WDHD1: variants seen among roughly 807,000 people sequenced by gnomAD.
WDHD1 encodes WD repeat and HMG-box DNA binding protein 1.
In WDHD1, 111 loss-of-function variants were observed where a neutral mutation model predicts 135.4. That is an observed-to-expected ratio of 0.82 (90% CI 0.70 to 0.96). WDHD1 has a LOEUF of 0.96. Ranked by LOEUF, WDHD1 falls within the 40% of genes least tolerant of loss-of-function variation. The pLI is 0.00. For missense variants in WDHD1, 1,351 were observed against 1,336.3 expected (o/e 1.01, Z -0.17); for synonymous variants, 434 against 439.0 (o/e 0.99, Z 0.14).
chr14:55,014,148 C>T (rs898307044), intron 2 of WDHD1, among the ~76,000 whole-genome samples: 2 of 152,214 alleles, frequency 1.3e-5, no homozygotes, highest in Non-Finnish European at 2.9e-5. Flanking sequence ...GTTGCCTAGG[C>T]AGTATCATGA....
rs548126502 is a variant in WDHD1 at position 54,990,326 on chromosome 14, G to A, written c.1341+887C>T. ...CTTTTTAAGAACTCAGGCCAGGCGC[G>A]GTGGCTCACGCCTGTAATCCCAGCA... is the stretch of plus-strand genomic sequence containing the variant. On this transcript the variant is annotated intron_variant, in intron 12 of 25. Transcript: ENST00000360586. 7.2e-5 allele frequency among the ~76,000 whole-genome samples: 11 copies of A among 152,128 alleles called. No individual in the cohort carries two copies. The East Asian group carries it at 9.7e-4, about 13-fold the overall frequency.
At chr14:55,005,452 G>A in intron 7 of WDHD1, 1 of 568,320 alleles carries the variant, frequency 1.8e-6, no homozygotes, top group South Asian at 1.4e-5. Context: ...CAGTATTCCT[G>A]GATGATATGA....
intron 2 of WDHD1, among the ~76,000 whole-genome samples, chr14:55,017,588 C>T (rs897900516): frequency 6.6e-6 from 1 of 152,160 alleles, no homozygotes; most frequent in Non-Finnish European, 1.5e-5. Flanking sequence ...AGTGATACAC[C>T]TACCTCAGCT....
chr14:54,968,763 G>A, intron 16 of WDHD1, among the ~76,000 whole-genome samples: 1 of 152,162 alleles, frequency 6.6e-6, no homozygotes, highest in East Asian at 1.9e-4. Flanking sequence ...AGAAAATTTA[G>A]AGGAAATGGG....
Position 54,940,407 on chromosome 14 carries a change from T to A in WDHD1, c.*1083A>T, listed in dbSNP as rs181535828. 1 of 152,342 alleles carries A rather than the reference T, an allele frequency of 6.6e-6. No homozygotes were observed. Among genetic ancestry groups the A allele is most frequent in the Admixed American group, 6.5e-5 (1 of 15,302 alleles). 9.4% of individuals were successfully genotyped at this position (152,342 alleles called of 1,614,324 possible). A position where few individuals can be genotyped will look rare whatever the true frequency, so the allele number is the denominator to read the frequency against. ...AATCATCACCAGATAAGGAATATTCTTGGTTCATTTATGTCTAAATTTTCA... is the reference window on the plus strand; with the variant it reads ...AATCATCACCAGATAAGGAATATTCATGGTTCATTTATGTCTAAATTTTCA... On this transcript the variant is annotated 3_prime_UTR_variant, in exon 26 of 26. Coordinates refer to ENST00000360586, the MANE Select transcript of WDHD1 (RefSeq NM_007086.4).
intron 23 of WDHD1, 65 bp downstream of exon 23, chr14:54,956,966 AGTG>A: frequency 6.5e-7 from 1 of 1,540,336 alleles, no homozygotes; most frequent in Non-Finnish European, 8.8e-7. Context: ...TATCTGAAAC[AGTG>A]AACAAAACTG....
chr14:54,990,343 ATCCC>A (rs1305129521), intron 12 of WDHD1, among the ~76,000 whole-genome samples: 2 of 152,144 alleles, frequency 1.3e-5, no homozygotes, highest in Non-Finnish European at 2.9e-5. Context: ...CACGCCTGTA[ATCCC>A]AGCACTTTGG....
rs776329139 is a variant in WDHD1, at chr14:54,955,561, C to A, written c.3050G>T (p.Arg1017Met). ...ICPPQNTENQ[R>M]PKTGFQMWLE... Reference sequence around the variant, plus strand: ...ATGCTAAATTTCTCTATGTACTGACCTTTGGTTTTCAGTGTTTTGAGGAGG... The same window carrying A: ...ATGCTAAATTTCTCTATGTACTGACATTTGGTTTTCAGTGTTTTGAGGAGG... The change falls in exon 24 of 26, where the codon AGG becomes ATG. Residue 1017 changes from arginine (R) to methionine (M), a missense_variant and splice_region_variant. Arg to Met is a moderately conservative substitution (Grantham distance 91). This residue lies in a region of WDHD1 where 1,330 missense variants were observed against 1,296.1 expected (regional missense o/e 1.03). Transcript: ENST00000360586. 6.4e-7 allele frequency: 1 copy of A among 1,560,692 alleles called. No individual in the cohort carries two copies. Among genetic ancestry groups the A allele is most frequent in the South Asian group, 1.2e-5 (1 of 81,224 alleles).
At chr14:54,967,485 G>T in intron 16 of WDHD1, 91 bp from the exon 17 acceptor site, 1 of 792,910 alleles carries the variant, frequency 1.3e-6, no homozygotes, top group Non-Finnish European at 2.0e-6. Context: ...TAGTAACTTA[G>T]AATAGTAATA....
intron 7 of WDHD1, 35 bp downstream of exon 7, chr14:55,007,245 A>AG (rs201952894): frequency 0.027 from 40,115 of 1,473,614 alleles, 153 homozygotes; most frequent in Non-Finnish European, 0.031. Flanking sequence ...AAAAAAAAAA[A>AG]AAAAGAAAAG....
intron 16 of WDHD1, among the ~76,000 whole-genome samples, chr14:54,980,318 T>C (rs1261791823): frequency 1.3e-5 from 2 of 148,874 alleles, no homozygotes; most frequent in African/African-American, 5.0e-5. Flanking sequence ...AGTGAGACTC[T>C]GTCTCAAAAA....
rs1310774585 is a variant in WDHD1, at chr14:54,940,518, C to G, written c.*972G>C. ...TGATTGTTTCCTTCCCTCCCACCCCCAGTACACTGCCTTTATGTGGCTGCA... is the reference window on the plus strand; with the variant it reads ...TGATTGTTTCCTTCCCTCCCACCCCGAGTACACTGCCTTTATGTGGCTGCA... On this transcript the variant is annotated 3_prime_UTR_variant, in exon 26 of 26. Transcript: ENST00000360586. 1 of 152,146 alleles carries G rather than the reference C, an allele frequency of 6.6e-6. No homozygotes were observed. The highest frequency in any genetic ancestry group is 1.5e-5 in the Non-Finnish European group (1 of 68,032). The allele number at this position is 152,146 out of a possible 1,614,324, so 9.4% of individuals were successfully genotyped here. A position where few individuals can be genotyped will look rare whatever the true frequency, so the allele number is the denominator to read the frequency against.
intron 15 of WDHD1, among the ~76,000 whole-genome samples, chr14:54,983,733 G>T (rs2041654757): frequency 6.6e-6 from 1 of 151,830 alleles, no homozygotes; most frequent in Admixed American, 6.6e-5. Context: ...TGCCCACTCT[G>T]GTCTTGAACT....
At chr14:55,022,121 G>A (rs1279793209) in intron 2 of WDHD1, among the ~76,000 whole-genome samples, 1 of 152,178 alleles carries the variant, frequency 6.6e-6, no homozygotes, top group Non-Finnish European at 1.5e-5. Flanking sequence ...TGGGTGGCCA[G>A]GGGCATTGCC....
At chr14:54,996,121 AAAG>A (rs1316008082) in intron 10 of WDHD1, among the ~76,000 whole-genome samples, 3 of 152,218 alleles carry the variant, frequency 2.0e-5, no homozygotes, top group African/African-American at 7.2e-5. Flanking sequence ...ATTCCCTAGA[AAAG>A]AAGTGATATT....
At position 54,962,733 on chromosome 14, in the gene WDHD1, C is replaced by G. The variant is rs773837777; in HGVS notation, c.2647+5G>C. The stretch of plus-strand genomic sequence containing the variant: ...ATGATTTATGGGCTTGAAAATGTAT[C>G]TCACCAGGCTTATGTATTTCTGGTT... On this transcript the variant is annotated splice_donor_5th_base_variant and intron_variant, in intron 20 of 25. Coordinates refer to ENST00000360586, the MANE Select transcript of WDHD1 (RefSeq NM_007086.4). The G allele has an allele frequency of 6.2e-7, 1 of 1,613,088 alleles. No individual in the cohort carries two copies. Among genetic ancestry groups the G allele is most frequent in the Non-Finnish European group, 8.5e-7 (1 of 1,179,256 alleles).
intron 8 of WDHD1, 84 bp downstream of exon 8, chr14:55,002,009 A>G: frequency 1.0e-6 from 1 of 959,352 alleles, no homozygotes; most frequent in Non-Finnish European, 1.6e-6. Context: ...CATTCCAATA[A>G]TATTTAACTG....
intron 21 of WDHD1, among the ~76,000 whole-genome samples, chr14:54,960,643 G>A (rs2041236475): frequency 1.3e-5 from 2 of 151,752 alleles, no homozygotes; most frequent in South Asian, 4.2e-4. Context: ...GGGATTACAG[G>A]CATGAGCCAC....
rs746762776 is a variant in WDHD1, at chr14:54,962,485, A to C, written c.2701+13T>G. On this transcript the variant is annotated intron_variant, in intron 21 of 25. Coordinates refer to ENST00000360586, the MANE Select transcript of WDHD1 (RefSeq NM_007086.4). ...AATTTCCTTGATATTACAAATTTAT[A>C]AATATTTCTCACCTGACTTAGCTGA... is the stretch of plus-strand genomic sequence containing the variant. The C allele has an allele frequency of 8.1e-6, 13 of 1,600,716 alleles. No homozygotes were observed. Among genetic ancestry groups the C allele is most frequent in the Non-Finnish European group, 1.1e-5 (13 of 1,169,756 alleles).
Sources: gnomAD v4.1 joint callset for allele counts (sites outside exome capture counted in the v4.1 genomes callset) on GRCh38, gnomAD v4.1.1 for gene constraint, gnomAD v4.1.1 regional missense constraint, MANE v1.5 for transcripts, NCBI Gene and HGNC (gene_info 2026-07-23, HGNC 2026-07-21) for gene names.